The following AAMDC variants were observed in gnomAD, a reference collection of about 807,000 sequenced individuals.
AAMDC encodes the protein adipogenesis associated Mth938 domain containing.
Under a neutral mutation model 15.5 loss-of-function variants are expected in AAMDC, and 16 were observed. The ratio of observed to expected loss-of-function variants is 1.03; its 90% CI spans 0.70 to 1.57. The LOEUF (loss-of-function observed/expected upper bound fraction) is 1.57. AAMDC is among the 40% of genes most tolerant of loss of function. The pLI is 0.00. For missense variants in AAMDC, 141 were observed against 144.9 expected (o/e 0.97, Z 0.14); for synonymous variants, 51 against 51.6 (o/e 0.99, Z 0.05).
intron 5 of AAMDC, among the ~76,000 whole-genome samples, chr11:77,886,412 C>T (rs546564639): frequency 1.3e-5 from 2 of 152,148 alleles, no homozygotes; most frequent in African/African-American, 2.4e-5. Flanking sequence ...CTAGATTAGG[C>T]TTACAAGAGT....
At chr11:77,854,719 C>T (rs911780002) in intron 2 of AAMDC, among the ~76,000 whole-genome samples, 1 of 152,138 alleles carries the variant, frequency 6.6e-6, no homozygotes, top group African/African-American at 2.4e-5. Context: ...ATGGTGCAAG[C>T]CGTTGGTGGA....
downstream of AAMDC, among the ~76,000 whole-genome samples, chr11:77,876,557 T>C (rs1409870540): frequency 6.6e-6 from 1 of 152,158 alleles, no homozygotes; most frequent in Non-Finnish European, 1.5e-5. Flanking sequence ...GCAACAAATT[T>C]GTCAGGAGCT....
chr11:77,873,024 A>G (rs1951498474), downstream of AAMDC, among the ~76,000 whole-genome samples: 2 of 152,334 alleles, frequency 1.3e-5, no homozygotes, highest in South Asian at 4.1e-4. Context: ...TGGCTCAGAT[A>G]GTCTTTGTTC....
downstream of AAMDC, among the ~76,000 whole-genome samples, chr11:77,873,778 T>TA (rs1254867448): frequency 6.6e-6 from 1 of 152,210 alleles, no homozygotes; most frequent in Non-Finnish European, 1.5e-5. Flanking sequence ...AGCTGAGTCT[T>TA]AAAAAATGGA....
At chr11:77,834,962 C>T (rs549520586) in intron 1 of AAMDC, among the ~76,000 whole-genome samples, 72 of 151,838 alleles carry the variant, frequency 4.7e-4, no homozygotes, top group Non-Finnish European at 9.3e-4. Context: ...CAGAGTAGTC[C>T]GAAGGGTATC....
intron 5 of AAMDC, among the ~76,000 whole-genome samples, chr11:77,887,631 T>C: frequency 6.6e-6 from 1 of 152,166 alleles, no homozygotes; most frequent in Non-Finnish European, 1.5e-5. Flanking sequence ...GAAGTCAAAT[T>C]GTCCCTGTTT....
At chr11:77,829,243 G>C (rs914291598) in intron 1 of AAMDC, among the ~76,000 whole-genome samples, 9 of 152,178 alleles carry the variant, frequency 5.9e-5, no homozygotes, top group Admixed American at 2.6e-4. Context: ...AAGACACAGA[G>C]AGATGGCAGA....
rs148080367 is a variant in AAMDC at position 77,871,338 on chromosome 11, T to C, written c.229-837T>C. ...TAGCTGTCACTATTAAGAACATCTT[T>C]TATATAAATTCATTTACAGATATTT... On this transcript the variant is annotated intron_variant, in intron 3 of 3. Coordinates refer to ENST00000393427, the MANE Select transcript of AAMDC (RefSeq NM_024684.4). 2.8e-3 allele frequency among the ~76,000 whole-genome samples: 428 copies of C among 152,338 alleles called. 5 individuals carry two copies. Among genetic ancestry groups the C allele is most frequent in the Admixed American group, 3.8e-3 (58 of 15,300 alleles).
intron 5 of AAMDC, among the ~76,000 whole-genome samples, chr11:77,882,068 T>C (rs1451133597): frequency 6.6e-6 from 1 of 152,058 alleles, no homozygotes; most frequent in Non-Finnish European, 1.5e-5. Flanking sequence ...CATGCCACCA[T>C]GCCCAGTTAA....
chr11:77,822,187 C>CCCAA (rs752700574), intron 1 of AAMDC, among the ~76,000 whole-genome samples: 111 of 152,086 alleles, frequency 7.3e-4, no homozygotes, highest in Non-Finnish European at 1.4e-3. Context: ...TGCCTGTAAT[C>CCCAA]CCAACACTTT....
At chr11:77,831,507 T>C (rs971332821) in intron 1 of AAMDC, among the ~76,000 whole-genome samples, 3 of 152,122 alleles carry the variant, frequency 2.0e-5, no homozygotes, top group African/African-American at 7.2e-5. Flanking sequence ...AGTAGATCTC[T>C]GTTGGAGCCT....
downstream of AAMDC, among the ~76,000 whole-genome samples, chr11:77,904,965 A>G (rs1270691105): frequency 9.8e-5 from 15 of 152,314 alleles, no homozygotes; most frequent in East Asian, 2.9e-3. Context: ...ACCTAATTTT[A>G]GATATCAGCT....
intron 5 of AAMDC, among the ~76,000 whole-genome samples, chr11:77,900,360 A>T (rs1952735477): frequency 6.6e-6 from 1 of 152,148 alleles, no homozygotes; most frequent in Non-Finnish European, 1.5e-5. Context: ...TGGCCTCCCA[A>T]AGTGCTGGGA....
At chr11:77,873,007 TTC>T (rs1276751565), downstream of AAMDC, among the ~76,000 whole-genome samples, 1 of 152,172 alleles carries the variant, frequency 6.6e-6, no homozygotes, top group Non-Finnish European at 1.5e-5. Flanking sequence ...CCTTTAAAGG[TTC>T]CTACTGGCTC....
chr11:77,825,701 T>G (rs947521135), intron 1 of AAMDC, among the ~76,000 whole-genome samples: 7 of 151,636 alleles, frequency 4.6e-5, no homozygotes, highest in Non-Finnish European at 1.0e-4. Flanking sequence ...TTTTTTTGTT[T>G]TTTTTTTTTT....
At chr11:77,876,546 A>G (rs1173422141), downstream of AAMDC, among the ~76,000 whole-genome samples, 1 of 152,184 alleles carries the variant, frequency 6.6e-6, no homozygotes, top group Non-Finnish European at 1.5e-5. Flanking sequence ...TGAATTGCTT[A>G]GCAACAAATT....
intron 1 of AAMDC, among the ~76,000 whole-genome samples, chr11:77,826,755 A>G (rs964570048): frequency 3.0e-4 from 45 of 152,200 alleles, no homozygotes; most frequent in Non-Finnish European, 5.9e-5. Context: ...AACATGAACT[A>G]TGGAAACTCA....
At chr11:77,852,766 CT>C (rs1449575465) in intron 2 of AAMDC, among the ~76,000 whole-genome samples, 1 of 151,424 alleles carries the variant, frequency 6.6e-6, no homozygotes, top group South Asian at 2.1e-4. Context: ...AATTTTTTTT[CT>C]TTTTTTCCCA....
chr11:77,827,869 A>G (rs1949250978), intron 1 of AAMDC, among the ~76,000 whole-genome samples: 1 of 152,216 alleles, frequency 6.6e-6, no homozygotes, highest in Admixed American at 6.5e-5. Context: ...AGGAAATCCT[A>G]AAGAATCCAC....
Sources: allele counts gnomAD v4.1 joint callset (sites outside exome capture counted in the v4.1 genomes callset), GRCh38; gene constraint gnomAD v4.1.1; transcripts MANE v1.5; gene names NCBI Gene and HGNC (gene_info 2026-07-23, HGNC 2026-07-21).